The following AIG1 variants were observed in gnomAD, a reference collection of about 807,000 sequenced individuals.
The protein encoded by AIG1 is androgen induced 1.
In AIG1, 23 loss-of-function variants were observed where a neutral mutation model predicts 31.4. The ratio of observed to expected loss-of-function variants is 0.73; its 90% confidence interval spans 0.53 to 1.04. The LOEUF is 1.04. AIG1 is among the 50% of genes least tolerant of loss of function. The pLI, the probability that AIG1 is intolerant of heterozygous loss-of-function variation, is 0.00. For missense variants in AIG1, 274 were observed against 295.0 expected (o/e 0.93, Z 0.52); for synonymous variants, 100 against 110.5 (o/e 0.90, Z 0.60).
At chr6:143,131,382 T>C (rs1783220876) in intron 1 of AIG1, among the ~76,000 whole-genome samples, 1 of 152,208 alleles carries the variant, frequency 6.6e-6, no homozygotes, top group South Asian at 2.1e-4. Context: ...GTGAATATGA[T>C]GAGATATAAT....
intron 2 of AIG1, among the ~76,000 whole-genome samples, chr6:143,137,876 T>G (rs1383998363): frequency 2.6e-5 from 4 of 152,198 alleles, no homozygotes; most frequent in Non-Finnish European, 4.4e-5. Context: ...GCCAGCTGAT[T>G]TCGGGGGAAA....
intron 1 of AIG1, among the ~76,000 whole-genome samples, chr6:143,105,912 C>T (rs774017844): frequency 7.9e-5 from 12 of 152,206 alleles, no homozygotes; most frequent in African/African-American, 1.4e-4. Flanking sequence ...GGCTTTTCCA[C>T]GAGGATGCCC....
At chr6:143,266,628 T>C (rs1796176257) in intron 3 of AIG1, among the ~76,000 whole-genome samples, 1 of 151,954 alleles carries the variant, frequency 6.6e-6, no homozygotes, top group Non-Finnish European at 1.5e-5. Flanking sequence ...TTGTCAATTA[T>C]ACCCCAGTAC....
At chr6:143,229,717 T>C (rs1409659807) in intron 3 of AIG1, among the ~76,000 whole-genome samples, 1 of 151,746 alleles carries the variant, frequency 6.6e-6, no homozygotes, top group Non-Finnish European at 1.5e-5. Flanking sequence ...TGCCCTTTAG[T>C]TGTTTTTTTC....
At chr6:143,152,179 A>G (rs1487693590) in intron 2 of AIG1, among the ~76,000 whole-genome samples, 1 of 152,206 alleles carries the variant, frequency 6.6e-6, no homozygotes, top group Non-Finnish European at 1.5e-5. Flanking sequence ...ATAGTCATCT[A>G]ACATAGGATG....
Position 143,256,806 on chromosome 6 carries a change from A to G in AIG1, c.400-27304A>G, listed in dbSNP as rs1795405311. Among the ~76,000 whole-genome samples, 1 of 152,242 alleles carries G rather than the reference A, an allele frequency of 6.6e-6. No homozygotes were observed. Among genetic ancestry groups the G allele is most frequent in the African/African-American group, 2.4e-5 (1 of 41,472 alleles). ...AAAAAATAAAGTTATATTATTTTAA[A>G]AACAGTCCAAATTAGCTGGAAGATA... On this transcript the variant is annotated intron_variant, in intron 3 of 5. Coordinates refer to ENST00000357847, the MANE Select transcript of AIG1 (RefSeq NM_016108.4). The surrounding 1 kb of genome is among the most constrained non-coding windows in gnomAD (Gnocchi z 4.6).
At chr6:143,230,498 T>C (rs1014546696) in intron 3 of AIG1, among the ~76,000 whole-genome samples, 1 of 150,060 alleles carries the variant, frequency 6.7e-6, no homozygotes, top group Non-Finnish European at 1.5e-5. Flanking sequence ...CTTCACACTT[T>C]TCTTTTTTAC....
At chr6:143,281,253 C>A (rs1797320923) in intron 3 of AIG1, among the ~76,000 whole-genome samples, 1 of 152,048 alleles carries the variant, frequency 6.6e-6, no homozygotes, top group African/African-American at 2.4e-5. Flanking sequence ...CTTTTTTGCC[C>A]CATCTGCAGA....
At chr6:143,245,903 G>A (rs1007149404) in intron 3 of AIG1, among the ~76,000 whole-genome samples, 6 of 152,170 alleles carry the variant, frequency 3.9e-5, no homozygotes, top group African/African-American at 1.4e-4. Context: ...ACAAAGATCG[G>A]GGTTTAGGGC....
intron 4 of AIG1, among the ~76,000 whole-genome samples, chr6:143,308,613 A>G (rs1774996811): frequency 6.6e-6 from 1 of 152,218 alleles, no homozygotes; most frequent in African/African-American, 2.4e-5. Flanking sequence ...AGGGAAGTCA[A>G]CTAGTACTCA....
intron 3 of AIG1, among the ~76,000 whole-genome samples, chr6:143,248,382 G>A (rs1488309560): frequency 6.6e-6 from 1 of 152,146 alleles, no homozygotes; most frequent in African/African-American, 2.4e-5. Context: ...GTTTCAGGAG[G>A]CTGTCTCCAG....
chr6:143,119,641 G>A (rs1396244630), intron 1 of AIG1, among the ~76,000 whole-genome samples: 1 of 152,112 alleles, frequency 6.6e-6, no homozygotes, highest in African/African-American at 2.4e-5. Flanking sequence ...GTTTCTAAGG[G>A]GCTTATCCCT....
intron 3 of AIG1, among the ~76,000 whole-genome samples, chr6:143,224,999 A>G (rs1792833871): frequency 6.6e-6 from 1 of 152,200 alleles, no homozygotes; most frequent in African/African-American, 2.4e-5. Flanking sequence ...ACAGCATGGT[A>G]TTTAAAAGTC....
Position 143,103,801 on chromosome 6 carries a change from A to G in AIG1, c.142-33034A>G, listed in dbSNP as rs144423791. On this transcript the variant is annotated intron_variant, in intron 1 of 5. Transcript: ENST00000357847. The stretch of plus-strand genomic sequence containing the variant: ...GGATAGAAGTTTTCTAAAATGAGCT[A>G]CTGAACATCCTTCTTCCTGATAAGT... Among the ~76,000 whole-genome samples, 4 of 152,242 alleles carry G rather than the reference A, an allele frequency of 2.6e-5. No individual in the cohort carries two copies. In the East Asian group the frequency reaches 5.8e-4, roughly 22 times the overall value.
chr6:143,077,250 T>C (rs992642288), intron 1 of AIG1, among the ~76,000 whole-genome samples: 3 of 152,220 alleles, frequency 2.0e-5, no homozygotes, highest in Non-Finnish European at 2.9e-5. Flanking sequence ...TTAAAGAACT[T>C]AGTATAGTAA....
intron 4 of AIG1, among the ~76,000 whole-genome samples, chr6:143,321,588 T>TA (rs1007086118): frequency 1.0e-4 from 15 of 147,976 alleles, no homozygotes; most frequent in East Asian, 2.0e-4. Context: ...GAAGACTGTA[T>TA]AAAAAAAAAA....
intron 1 of AIG1, among the ~76,000 whole-genome samples, chr6:143,103,492 A>C (rs935550005): frequency 2.0e-5 from 3 of 150,716 alleles, no homozygotes; most frequent in African/African-American, 7.3e-5. Flanking sequence ...TGATAAATAC[A>C]GAAGTTTTCT....
Position 143,339,640 on chromosome 6 carries a change from T to A in AIG1, c.681T>A (p.Ser227Arg). 1 of 1,613,100 alleles carries A rather than the reference T, an allele frequency of 6.2e-7. No individual in the cohort carries two copies. Among genetic ancestry groups the A allele is most frequent in the East Asian group, 2.2e-5 (1 of 44,766 alleles). Residue 227 changes from serine (S) to arginine (R), a missense_variant and splice_region_variant, in exon 6 of 6, where the codon AGT (serine) becomes AGA (arginine). Coordinates refer to ENST00000357847, the MANE Select transcript of AIG1 (RefSeq NM_016108.4). ...LNNYIWDTQK[S>R]MEEEKEKPKL... ...AAAACACTTTGCCTGTATTTCTAGG[T>A]ATGGAAGAAGAGAAAGAAAAGCCTA...
chr6:143,091,566 C>T (rs1583144335), intron 1 of AIG1, among the ~76,000 whole-genome samples: 3 of 152,334 alleles, frequency 2.0e-5, no homozygotes, highest in South Asian at 4.1e-4. Flanking sequence ...GTGTCTCTAT[C>T]TTTGAAAGCA....
Sources: allele counts gnomAD v4.1 joint callset (sites outside exome capture counted in the v4.1 genomes callset), GRCh38; gene constraint gnomAD v4.1.1; non-coding constraint Gnocchi (gnomAD v3.1); transcripts MANE v1.5; gene names NCBI Gene and HGNC (gene_info 2026-07-23, HGNC 2026-07-21).